Variants in MALRD1 observed in about 807,000 individuals in gnomAD.
MALRD1 encodes the protein MAM and LDL receptor class A domain containing 1.
In MALRD1, 247 loss-of-function variants were observed where a neutral mutation model predicts 242.1. That is an observed-to-expected ratio of 1.02 (90% CI 0.92 to 1.13). MALRD1 has a LOEUF of 1.13. Among genes scored for constraint, MALRD1 ranks in the 50% most tolerant of loss-of-function variants. The pLI is 0.00. For synonymous variants in MALRD1, 995 were observed against 866.6 expected, an observed-to-expected ratio of 1.15 and a Z score of -2.60; for missense variants, 2,989 against 2,533.1, an observed-to-expected ratio of 1.18 and a Z score of -3.86.
In MALRD1 at chr10:19,456,223, GA is replaced by G. The variant is rs369014028; in HGVS notation, c.5029+5741del. Among the ~76,000 whole-genome samples the G allele has an allele frequency of 2.5e-3, 376 of 151,148 alleles. 5 individuals are homozygous for G. The East Asian group carries it at 0.048, about 19-fold the overall frequency. ...CCCCGAATAATCTTAATTATGAAAA[GA>G]AAAAAAATACCTTGAGGGTAAAATA... On this transcript the variant is annotated intron_variant, in intron 29 of 39. Coordinates refer to ENST00000454679, the MANE Select transcript of MALRD1 (RefSeq NM_001142308.3).
At chr10:19,499,500 C>G (rs1837874583) in intron 31 of MALRD1, among the ~76,000 whole-genome samples, 1 of 151,622 alleles carries the variant, frequency 6.6e-6, no homozygotes, top group Admixed American at 6.6e-5. Context: ...AAGGGAATGT[C>G]TTCAGATTTC....
chr10:19,627,829 C>T (rs146354935), intron 36 of MALRD1, among the ~76,000 whole-genome samples: 1 of 140,674 alleles, frequency 7.1e-6, no homozygotes, highest in Non-Finnish European at 1.5e-5. Context: ...GGAAAATATA[C>T]AGGATACACA....
chr10:19,570,250 G>T (rs1836461114), intron 33 of MALRD1, among the ~76,000 whole-genome samples: 1 of 152,026 alleles, frequency 6.6e-6, no homozygotes, highest in Non-Finnish European at 1.5e-5. Context: ...GATTCAGGCA[G>T]ATGCTTTTAG....
chr10:19,396,672 C>T (rs1295393578), intron 28 of MALRD1, among the ~76,000 whole-genome samples: 1 of 152,162 alleles, frequency 6.6e-6, no homozygotes. Context: ...TTCTAATACT[C>T]AGGAGTCAGA....
At chr10:19,690,951 A>G (rs74888838) in intron 36 of MALRD1, among the ~76,000 whole-genome samples, 3,021 of 152,120 alleles carry the variant, frequency 0.02, 103 homozygotes, top group African/African-American at 0.061. Context: ...AAAGTGTACT[A>G]TTTGTCTAAG....
At chr10:19,457,837 A>AAAACT (rs1835738550) in intron 29 of MALRD1, among the ~76,000 whole-genome samples, 1 of 151,776 alleles carries the variant, frequency 6.6e-6, no homozygotes, top group Non-Finnish European at 1.5e-5. Flanking sequence ...GTACTAGTTT[A>AAAACT]AGTATTTTAA....
At chr10:19,228,033 A>C (rs1311929502) in intron 18 of MALRD1, among the ~76,000 whole-genome samples, 1 of 152,196 alleles carries the variant, frequency 6.6e-6, no homozygotes, top group Non-Finnish European at 1.5e-5. Flanking sequence ...GACATTTTGG[A>C]AAGCAGTTTG....
chr10:19,713,306 T>A (rs1450101031), intron 38 of MALRD1, among the ~76,000 whole-genome samples: 3 of 152,228 alleles, frequency 2.0e-5, no homozygotes, highest in Non-Finnish European at 4.4e-5. Context: ...GTTCTTATAC[T>A]TATCTGATCC....
intron 19 of MALRD1, among the ~76,000 whole-genome samples, chr10:19,266,051 A>G (rs1263659144): frequency 1.3e-5 from 2 of 151,184 alleles, no homozygotes; most frequent in African/African-American, 4.9e-5. Flanking sequence ...TCTGGTTTGC[A>G]TTTGCATGGA....
chr10:19,477,485 T>C (rs1030558264), intron 29 of MALRD1, among the ~76,000 whole-genome samples: 2 of 142,156 alleles, frequency 1.4e-5, no homozygotes, highest in Non-Finnish European at 3.1e-5. Flanking sequence ...AATAAATAAA[T>C]AAACACAATA....
Position 19,125,342 on chromosome 10 carries a change from T to C in MALRD1, c.943+672T>C, listed in dbSNP as rs922765469. On this transcript the variant is annotated intron_variant, in intron 7 of 39. Coordinates refer to ENST00000454679, the MANE Select transcript of MALRD1 (RefSeq NM_001142308.3). ...CCTTCCTTCTTTCTTTCTTTCTTTC[T>C]TTCTTTCTTTCTTTCTTTCTTTCTT... Among the ~76,000 whole-genome samples the C allele has an allele frequency of 9.6e-5, 9 of 93,334 alleles. No individual in the cohort carries two copies. In the East Asian group the frequency reaches 1.2e-3, roughly 12 times the overall value. 61.2% of individuals were successfully genotyped at this position (93,334 alleles called of 152,430 possible).
Position 19,123,579 on chromosome 10 carries a change from A to G in MALRD1, c.782A>G (p.Asp261Gly). ...GATCTCTGCAGATTTGATGCTACAG[A>G]TGAAGAGTTGAGATGTAAGTGTTAA... ...DTDLCRFDAT[D>G]EELRLCQACG... Residue 261 changes from aspartate to glycine, a missense_variant, in exon 6 of 40, where the codon GAT becomes GGT. Asp to Gly is a moderately conservative substitution (Grantham distance 94, BLOSUM62 -1). Coordinates refer to ENST00000454679, the MANE Select transcript of MALRD1 (RefSeq NM_001142308.3). The G allele has an allele frequency of 8.1e-7, 1 of 1,233,010 alleles. No homozygotes were observed. The highest frequency in any genetic ancestry group is 4.1e-5 in the South Asian group (1 of 24,396). 76.4% of individuals were successfully genotyped at this position (1,233,010 alleles called of 1,614,324 possible). A position where few individuals can be genotyped will look rare whatever the true frequency, so the allele number is the denominator to read the frequency against.
chr10:19,069,550 C>T (rs771449058), intron 2 of MALRD1, among the ~76,000 whole-genome samples: 1 of 151,980 alleles, frequency 6.6e-6, no homozygotes, highest in South Asian at 2.1e-4. Flanking sequence ...TGAAGAAATT[C>T]CTTTAGTATT....
At chr10:19,426,714 A>C (rs1564329758) in intron 28 of MALRD1, among the ~76,000 whole-genome samples, 1 of 152,134 alleles carries the variant, frequency 6.6e-6, no homozygotes, top group Non-Finnish European at 1.5e-5. Flanking sequence ...GAGGCAAGAG[A>C]ATCACTTGAA....
At chr10:19,450,181 G>A in intron 28 of MALRD1, 126 bp from the exon 29 acceptor site, 1 of 802,742 alleles carries the variant, frequency 1.2e-6, no homozygotes, top group South Asian at 2.0e-5. Context: ...CAGATTCAGT[G>A]CTTCTTTGTT....
intron 2 of MALRD1, among the ~76,000 whole-genome samples, chr10:19,084,388 C>G (rs1835597444): frequency 6.6e-6 from 1 of 151,736 alleles, no homozygotes; most frequent in South Asian, 2.1e-4. Flanking sequence ...AGCCTTGGAT[C>G]TTGTTTTGAT....
chr10:19,349,016 C>A (rs1351076678), intron 25 of MALRD1, among the ~76,000 whole-genome samples: 3 of 152,138 alleles, frequency 2.0e-5, no homozygotes, highest in South Asian at 2.1e-4. Context: ...GGCTGGAGTG[C>A]AGTGGCGTGA....
At position 19,404,516 on chromosome 10, in the gene MALRD1, A is replaced by G. The variant is rs958343886; in HGVS notation, c.4845+14907A>G. 7.9e-5 allele frequency among the ~76,000 whole-genome samples: 12 copies of G among 152,186 alleles called. No individual in the cohort carries two copies. In the East Asian group the frequency reaches 2.3e-3, roughly 29 times the overall value. The stretch of plus-strand genomic sequence containing the variant: ...TCCTGTAAACTTCCAAGCCACAAAT[A>G]TATGTGTTTTTTTCTAAGTAGCTTC... On this transcript the variant is annotated intron_variant, in intron 28 of 39. Coordinates refer to ENST00000454679, the MANE Select transcript of MALRD1 (RefSeq NM_001142308.3).
rs558279024 is a variant in MALRD1 at position 19,060,567 on chromosome 10, T to C, written c.200-6152T>C. Among the ~76,000 whole-genome samples, 5 of 152,234 alleles carry C rather than the reference T, an allele frequency of 3.3e-5. No individual in the cohort carries two copies. In the East Asian group the frequency reaches 9.7e-4, roughly 30 times the overall value. ...GGATCTTCTCACTCTCCCATTGTGGTTTTCCAATTCTAATTCTATGGAGTT... is the reference window on the plus strand; with the variant it reads ...GGATCTTCTCACTCTCCCATTGTGGCTTTCCAATTCTAATTCTATGGAGTT... On this transcript the variant is annotated intron_variant, in intron 1 of 39. Transcript: ENST00000454679.
Sources: gnomAD v4.1 joint callset for allele counts (sites outside exome capture counted in the v4.1 genomes callset) on GRCh38, gnomAD v4.1.1 for gene constraint, MANE v1.5 for transcripts, NCBI Gene and HGNC (gene_info 2026-07-23, HGNC 2026-07-21) for gene names.